Variants in TMF1 observed in about 807,000 individuals in gnomAD.
TMF1 encodes TATA element modulatory factor.
In TMF1, 71 loss-of-function variants were observed where a neutral mutation model predicts 126.5. That is an observed-to-expected ratio of 0.56 (90% CI 0.46 to 0.68). The LOEUF (loss-of-function observed/expected upper bound fraction) is 0.68. Ranked by LOEUF, TMF1 falls within the 30% of genes least tolerant of loss-of-function variation. The pLI is 0.00. For synonymous variants in TMF1, 461 were observed against 430.5 expected (o/e 1.07, Z -0.88); for missense variants, 1,259 against 1,253.2 (o/e 1.00, Z -0.07).
intron 5 of TMF1, among the ~76,000 whole-genome samples, chr3:69,042,097 C>T (rs1037752599): frequency 6.6e-6 from 1 of 152,010 alleles, no homozygotes; most frequent in East Asian, 1.9e-4. Context: ...AGTACAGTGG[C>T]GTGATCTTGG....
Position 69,021,957 on chromosome 3 carries a change from T to TA in TMF1, c.*1219dup. ...CCTTGGCCTCCCAAAGTGCTGGGAT[T>TA]ACAGGCATGAGCCACAGCACCTGGC... On this transcript the variant is annotated 3_prime_UTR_variant, in exon 17 of 17. Coordinates refer to ENST00000398559, the MANE Select transcript of TMF1 (RefSeq NM_007114.3). 6.6e-6 allele frequency: 1 copy of TA among 152,592 alleles called. No homozygotes were observed. The highest frequency in any genetic ancestry group is 1.9e-4 in the East Asian group (1 of 5,182). 9.5% of individuals were successfully genotyped at this position (152,592 alleles called of 1,614,324 possible).
intron 10 of TMF1, among the ~76,000 whole-genome samples, chr3:69,030,947 A>C (rs1026536161): frequency 6.6e-6 from 1 of 152,214 alleles, no homozygotes; most frequent in African/African-American, 2.4e-5. Context: ...CCTGTACATG[A>C]ATATTCACAG....
At chr3:69,051,232 T>C (rs1280899459) in intron 1 of TMF1, among the ~76,000 whole-genome samples, 1 of 152,034 alleles carries the variant, frequency 6.6e-6, no homozygotes, top group Non-Finnish European at 1.5e-5. Flanking sequence ...ATCCCAGCAC[T>C]TTAGGAGGCC....
At chr3:69,033,191 G>T (rs2091813279) in intron 10 of TMF1, among the ~76,000 whole-genome samples, 1 of 150,030 alleles carries the variant, frequency 6.7e-6, no homozygotes. Flanking sequence ...GGAGAATTGT[G>T]TGAACCTGGG....
chr3:69,047,803 C>G lies in TMF1; in HGVS notation c.902G>C (p.Cys301Ser), dbSNP rs763485480. Reference sequence around the variant, plus strand: ...ATCATCTAAACGATTATATTCAGGACAAGCAGATGCAGAGAGAAGCTGAAA... The same window carrying G: ...ATCATCTAAACGATTATATTCAGGAGAAGCAGATGCAGAGAGAAGCTGAAA... ...TSFQLLSASA[C>S]PEYNRLDDFQ... is the part of the protein sequence containing the mutation. Residue 301 changes from cysteine (C) to serine (S), a missense_variant, in exon 2 of 17, where the codon TGT (cysteine) becomes TCT (serine). Transcript: ENST00000398559. The G allele has an allele frequency of 4.3e-6, 7 of 1,613,918 alleles. No individual in the cohort carries two copies. The highest frequency in any genetic ancestry group is 1.7e-5 in the Admixed American group (1 of 59,986).
At chr3:69,030,060 AAT>A in intron 10 of TMF1, 53 bp from the exon 11 acceptor site, 1 of 1,475,464 alleles carries the variant, frequency 6.8e-7, no homozygotes, top group Non-Finnish European at 9.2e-7. Flanking sequence ...CAGAGACCAA[AAT>A]ACCAAGTCAA....
chr3:69,047,492 A>G lies in TMF1; in HGVS notation c.1213T>C (p.Cys405Arg). The change falls in exon 2 of 17, where the codon TGT becomes CGT. Residue 405 changes from cysteine (C) to arginine (R), a missense_variant. By Grantham distance (180) the Cys-to-Arg change is radical. Coordinates refer to ENST00000398559, the MANE Select transcript of TMF1 (RefSeq NM_007114.3). ...ESGRSATPVN[C>R]EQPDILVSST... ...GAAACCAAGATATCAGGCTGTTCAC[A>G]GTTAACAGGAGTTGCACTTCGTCCA... 1 of 1,614,226 alleles carries G rather than the reference A, an allele frequency of 6.2e-7. No homozygotes were observed. The highest frequency in any genetic ancestry group is 8.5e-7 in the Non-Finnish European group (1 of 1,180,034).
chr3:69,027,804 C>T, intron 13 of TMF1, 96 bp downstream of exon 13: 1 of 630,190 alleles, frequency 1.6e-6, no homozygotes, highest in South Asian at 2.2e-5. Flanking sequence ...GTTGGACAAG[C>T]TTGTTATAAA....
Position 69,027,962 on chromosome 3 carries a change from T to C in TMF1, c.2695A>G (p.Arg899Gly), listed in dbSNP as rs1202352314. The change falls in exon 13 of 17, where the codon AGA becomes GGA. Residue 899 changes from arginine (R) to glycine (G), a missense_variant. Physicochemically the swap from Arg to Gly is moderately radical, Grantham distance 125 (BLOSUM62 -2). Transcript: ENST00000398559. ...TTCCTTTCTTGTTCAACTTTCATTCTTTCCATTTCTAACTGACTATTCAAC... is the reference window on the plus strand; with the variant it reads ...TTCCTTTCTTGTTCAACTTTCATTCCTTCCATTTCTAACTGACTATTCAAC... ...TLLNSQLEME[R>G]MKVEQERKKA... 13 of 1,582,350 alleles carry C rather than the reference T, an allele frequency of 8.2e-6. No individual in the cohort carries two copies. The highest frequency in any genetic ancestry group is 1.1e-5 in the Non-Finnish European group (13 of 1,153,200).
chr3:69,037,338 C>CA (rs1289741818), intron 8 of TMF1, among the ~76,000 whole-genome samples: 3 of 150,938 alleles, frequency 2.0e-5, no homozygotes, highest in Non-Finnish European at 3.0e-5. Context: ...ACTAAAAATA[C>CA]AAAAAAAAAT....
At chr3:69,025,948 T>TTTA (rs749939727) in intron 14 of TMF1, 48 bp downstream of exon 14, 3 of 1,474,070 alleles carry the variant, frequency 2.0e-6, no homozygotes, top group Admixed American at 1.9e-5. Context: ...GCATATTTCC[T>TTTA]TTATTATTAT....
intron 15 of TMF1, chr3:69,025,155 A>G (rs2091761315): frequency 6.4e-6 from 1 of 156,954 alleles, no homozygotes; most frequent in Non-Finnish European, 1.4e-5. Flanking sequence ...CAACTTATCT[A>G]AGAGGTAAAT....
At chr3:69,043,229 G>C (rs1289870351) in intron 4 of TMF1, among the ~76,000 whole-genome samples, 1 of 151,992 alleles carries the variant, frequency 6.6e-6, no homozygotes, top group East Asian at 1.9e-4. Flanking sequence ...TGGAGTAGTG[G>C]TACAATGACG....
intron 9 of TMF1, 112 bp downstream of exon 9, chr3:69,034,911 G>C (rs2055685): frequency 0.28 from 261,382 of 935,842 alleles, 38,786 homozygotes; most frequent in East Asian, 0.52. Flanking sequence ...GCAAATGCTA[G>C]GTGTGACAGT....
chr3:69,044,867 T>G (rs965133896), intron 2 of TMF1, among the ~76,000 whole-genome samples: 4 of 152,198 alleles, frequency 2.6e-5, no homozygotes, highest in African/African-American at 9.7e-5. Flanking sequence ...ATCTACATAC[T>G]CTTTGATATA....
Position 69,043,760 on chromosome 3 carries a change from G to C in TMF1, c.1568C>G (p.Ala523Gly). 1 of 1,605,604 alleles carries C rather than the reference G, an allele frequency of 6.2e-7. No homozygotes were observed. Among genetic ancestry groups the C allele is most frequent in the Non-Finnish European group, 8.5e-7 (1 of 1,176,460 alleles). ...KVQLACKERD[A>G]AKKEIKNIKE... is the part of the protein sequence containing the mutation. ...TTAAATTTCAATTACCTTTTTAGCA[G>C]CATCTCTCTCTTTGCAGGCTAGTTG... The change falls in exon 4 of 17, where the codon GCT (alanine) becomes GGT (glycine). Residue 523 changes from alanine to glycine, a missense_variant. Transcript: ENST00000398559.
At chr3:69,048,592 A>G (rs1279003873) in intron 1 of TMF1, 30 bp from the exon 2 acceptor site, 1 of 1,509,950 alleles carries the variant, frequency 6.6e-7, no homozygotes. Flanking sequence ...ATTAAAAAAG[A>G]ACACATATAT....
At chr3:69,044,383 A>C in intron 3 of TMF1, 109 bp downstream of exon 3, 1 of 597,682 alleles carries the variant, frequency 1.7e-6, no homozygotes, top group Non-Finnish European at 2.8e-6. Flanking sequence ...AACTTTCAAT[A>C]ATGATAAAAT....
intron 9 of TMF1, 136 bp downstream of exon 9, chr3:69,034,887 G>C: frequency 1.3e-6 from 1 of 743,190 alleles, no homozygotes; most frequent in South Asian, 1.7e-5. Context: ...ATTCACACAA[G>C]CCACAAAAAT....
Sources: allele counts gnomAD v4.1 joint callset (sites outside exome capture counted in the v4.1 genomes callset), GRCh38; gene constraint gnomAD v4.1.1; transcripts MANE v1.5; gene names NCBI Gene and HGNC (gene_info 2026-07-23, HGNC 2026-07-21).